GNAQ: variants seen among roughly 807,000 people sequenced by gnomAD.
GNAQ encodes guanine nucleotide-binding protein G(q) subunit alpha.
In GNAQ, 8 loss-of-function variants were observed where a neutral mutation model predicts 43.9. The ratio of observed to expected loss-of-function variants is 0.18; its 90% confidence interval spans 0.11 to 0.33. The LOEUF is 0.33. Among genes scored for constraint, GNAQ ranks in the 10% least tolerant of loss-of-function variants. The pLI is 1.00. For missense variants in GNAQ, 158 were observed against 450.8 expected (o/e 0.35, Z 5.88); for synonymous variants, 155 against 170.7 (o/e 0.91, Z 0.71).
At chr9:78,029,635 G>T (rs1930541) in intron 1 of GNAQ, among the ~76,000 whole-genome samples, 109,664 of 152,056 alleles carry the variant, frequency 0.72, 39,782 homozygotes, top group Middle Eastern at 0.77. Flanking sequence ...GCATGTCATG[G>T]GAATTAACTA....
At chr9:77,886,298 TAAAC>T (rs1237922267) in intron 2 of GNAQ, among the ~76,000 whole-genome samples, 5 of 151,246 alleles carry the variant, frequency 3.3e-5, no homozygotes, top group Non-Finnish European at 1.5e-5. Context: ...TTTGTAAAAT[TAAAC>T]AAATCTGGAG....
Position 77,760,753 on chromosome 9 carries a change from G to C in GNAQ, c.736-32086C>G, listed in dbSNP as rs547011983. ...CTCTGCCCGGCCGCCATCCCATCTA[G>C]GAAGTGAGGAGCGCCTCTTCCCGGC... On this transcript the variant is annotated intron_variant, in intron 5 of 6. Coordinates refer to ENST00000286548, the MANE Select transcript of GNAQ (RefSeq NM_002072.5). 5.3e-5 allele frequency among the ~76,000 whole-genome samples: 8 copies of C among 151,372 alleles called. No homozygotes were observed. In the South Asian group the frequency reaches 1.0e-3, roughly 20 times the overall value.
chr9:77,740,050 G>A (rs1344403276), intron 5 of GNAQ, among the ~76,000 whole-genome samples: 1 of 152,198 alleles, frequency 6.6e-6, no homozygotes, highest in African/African-American at 2.4e-5. Flanking sequence ...ACATTTGGGG[G>A]AAATAGGATG....
intron 1 of GNAQ, among the ~76,000 whole-genome samples, chr9:77,944,369 G>A (rs537015562): frequency 6.6e-6 from 1 of 150,768 alleles, no homozygotes; most frequent in Non-Finnish European, 1.5e-5. Context: ...ATGAAGCTGT[G>A]TATACAAGAT....
At chr9:77,945,409 C>T (rs546523495) in intron 1 of GNAQ, among the ~76,000 whole-genome samples, 2 of 152,194 alleles carry the variant, frequency 1.3e-5, no homozygotes, top group South Asian at 4.1e-4. Flanking sequence ...AAATGTACTG[C>T]CTCAGGTTGT....
chr9:77,726,003 A>G (rs1243072191), intron 6 of GNAQ, among the ~76,000 whole-genome samples: 2 of 149,896 alleles, frequency 1.3e-5, no homozygotes, highest in Admixed American at 6.6e-5. Context: ...AGAAAAATTA[A>G]GAAGAACCTC....
intron 5 of GNAQ, among the ~76,000 whole-genome samples, chr9:77,735,674 T>C (rs1335754862): frequency 6.6e-6 from 1 of 152,158 alleles, no homozygotes; most frequent in Non-Finnish European, 1.5e-5. Context: ...AAACTCCTGT[T>C]GTTGGGGCGG....
intron 1 of GNAQ, among the ~76,000 whole-genome samples, chr9:77,953,030 C>T (rs758834871): frequency 1.8e-4 from 27 of 152,174 alleles, no homozygotes; most frequent in South Asian, 4.1e-4. Context: ...AAATAATACA[C>T]TCCAATAAAG....
intron 3 of GNAQ, among the ~76,000 whole-genome samples, chr9:77,803,150 GA>G (rs1826772935): frequency 6.6e-6 from 1 of 152,186 alleles, no homozygotes; most frequent in Non-Finnish European, 1.5e-5. Context: ...AAACACAGGA[GA>G]GGGGAGGTTG....
intron 2 of GNAQ, among the ~76,000 whole-genome samples, chr9:77,881,874 A>C (rs1238886458): frequency 6.6e-6 from 1 of 152,152 alleles, no homozygotes; most frequent in Non-Finnish European, 1.5e-5. Flanking sequence ...ATGGTGGCCT[A>C]CGCCTATAAT....
At chr9:77,727,178 G>A (rs1825410518) in intron 6 of GNAQ, among the ~76,000 whole-genome samples, 1 of 148,990 alleles carries the variant, frequency 6.7e-6, no homozygotes, top group Non-Finnish European at 1.5e-5. Flanking sequence ...TTGACCTCTT[G>A]CCAACTCCTG....
intron 1 of GNAQ, among the ~76,000 whole-genome samples, chr9:77,998,649 A>G (rs879089198): frequency 6.6e-6 from 1 of 152,234 alleles, no homozygotes; most frequent in Non-Finnish European, 1.5e-5. Context: ...TATGAACAAA[A>G]AGTAAACACT....
At chr9:77,960,302 G>A (rs1320324711) in intron 1 of GNAQ, among the ~76,000 whole-genome samples, 1 of 152,186 alleles carries the variant, frequency 6.6e-6, no homozygotes, top group East Asian at 1.9e-4. Flanking sequence ...AATGGGTCAG[G>A]AGGCAGAGGG....
intron 1 of GNAQ, among the ~76,000 whole-genome samples, chr9:78,008,851 T>C (rs1255560489): frequency 6.6e-6 from 1 of 152,194 alleles, no homozygotes; most frequent in Non-Finnish European, 1.5e-5. Context: ...TTTCCTGACC[T>C]CGTGATCCGC....
intron 1 of GNAQ, among the ~76,000 whole-genome samples, chr9:78,020,175 G>A (rs773435553): frequency 6.6e-5 from 10 of 152,084 alleles, no homozygotes; most frequent in Non-Finnish European, 1.5e-4. Flanking sequence ...GTGGGAAACT[G>A]AGAGCCATTT....
At chr9:77,885,826 A>G (rs1024795331) in intron 2 of GNAQ, among the ~76,000 whole-genome samples, 1 of 152,196 alleles carries the variant, frequency 6.6e-6, no homozygotes, top group African/African-American at 2.4e-5. Flanking sequence ...GTTATTATCA[A>G]CATGAAAATT....
At chr9:77,802,902 AC>A (rs1826768490) in intron 3 of GNAQ, among the ~76,000 whole-genome samples, 1 of 152,120 alleles carries the variant, frequency 6.6e-6, no homozygotes, top group South Asian at 2.1e-4. Context: ...CTGTGCTGAG[AC>A]ATTATAAATT....
intron 5 of GNAQ, among the ~76,000 whole-genome samples, chr9:77,755,327 ACAGTT>A (rs1292660689): frequency 6.6e-6 from 1 of 152,214 alleles, no homozygotes; most frequent in Non-Finnish European, 1.5e-5. Context: ...CAGGGTAATT[ACAGTT>A]AAGTTTATTG....
chr9:77,727,675 T>G (rs1236668109), intron 6 of GNAQ, among the ~76,000 whole-genome samples: 2 of 152,218 alleles, frequency 1.3e-5, no homozygotes, highest in Non-Finnish European at 2.9e-5. Context: ...TCAGGCATCA[T>G]GCTAAACGTA....
Sources: allele counts gnomAD v4.1 joint callset (sites outside exome capture counted in the v4.1 genomes callset), GRCh38; gene constraint gnomAD v4.1.1; transcripts MANE v1.5; gene names NCBI Gene and HGNC (gene_info 2026-07-23, HGNC 2026-07-21).